TTC7B: variants seen among roughly 807,000 people sequenced by gnomAD.
The protein encoded by TTC7B is tetratricopeptide repeat protein 7B.
A neutral mutation model predicts 106.8 loss-of-function variants in TTC7B; 28 were observed. That is an observed-to-expected ratio of 0.26 (90% CI 0.19 to 0.36). The LOEUF (loss-of-function observed/expected upper bound fraction) is 0.36. TTC7B is among the 10% of genes least tolerant of loss of function. The pLI is 1.00. For missense variants in TTC7B, 862 were observed against 1,076.4 expected, an observed-to-expected ratio of 0.80 and a Z score of 2.79; for synonymous variants, 405 against 430.6, an observed-to-expected ratio of 0.94 and a Z score of 0.74.
intron 12 of TTC7B, 84 bp from the exon 13 acceptor site, chr14:90,652,982 T>C: frequency 2.2e-6 from 3 of 1,392,536 alleles, no homozygotes; most frequent in Non-Finnish European, 3.1e-6. Context: ...ACCTGTACAT[T>C]CAACTGGATT....
At chr14:90,637,136 G>C (rs2139872141) in intron 15 of TTC7B, among the ~76,000 whole-genome samples, 1 of 151,858 alleles carries the variant, frequency 6.6e-6, no homozygotes, top group South Asian at 2.1e-4. Context: ...ACAAGTATCT[G>C]GCAAGACTAT....
intron 19 of TTC7B, among the ~76,000 whole-genome samples, chr14:90,562,371 T>C (rs1318962510): frequency 1.3e-5 from 2 of 152,198 alleles, no homozygotes; most frequent in East Asian, 3.8e-4. Flanking sequence ...ACTCCCACCT[T>C]GGACTGTCAA....
intron 1 of TTC7B, among the ~76,000 whole-genome samples, chr14:90,797,590 G>A (rs1323354551): frequency 6.6e-6 from 1 of 152,006 alleles, no homozygotes; most frequent in Non-Finnish European, 1.5e-5. Flanking sequence ...CAGGAAAACA[G>A]ACACTGCTGT....
At chr14:90,794,165 A>T (rs1317397214) in intron 1 of TTC7B, among the ~76,000 whole-genome samples, 1 of 149,534 alleles carries the variant, frequency 6.7e-6, no homozygotes, top group Non-Finnish European at 1.5e-5. Flanking sequence ...GGCCTCCCAA[A>T]GTGCTGGGAT....
intron 15 of TTC7B, among the ~76,000 whole-genome samples, chr14:90,638,724 G>A (rs1426709081): frequency 4.6e-5 from 7 of 152,120 alleles, no homozygotes; most frequent in African/African-American, 1.2e-4. Flanking sequence ...GGAACTGGAC[G>A]AGCTGATTTG....
intron 9 of TTC7B, 92 bp downstream of exon 9, chr14:90,676,431 G>A: frequency 6.8e-7 from 1 of 1,460,730 alleles, no homozygotes; most frequent in Non-Finnish European, 9.3e-7. Context: ...CTAATAGAGG[G>A]GGGCCCAGGA....
intron 5 of TTC7B, among the ~76,000 whole-genome samples, chr14:90,713,141 A>G (rs1364642154): frequency 6.6e-6 from 1 of 152,010 alleles, no homozygotes; most frequent in East Asian, 1.9e-4. Flanking sequence ...TTTGAGACGG[A>G]GACTCATTCT....
In TTC7B at chr14:90,533,637, GGCA is replaced by G; in HGVS notation, c.*7728_*7730del. 6.6e-6 allele frequency: 1 copy of G among 152,484 alleles called. No homozygotes were observed. The highest frequency in any genetic ancestry group is 1.9e-4 in the East Asian group (1 of 5,188). 9.4% of individuals were successfully genotyped at this position (152,484 alleles called of 1,614,324 possible). A position where few individuals can be genotyped will look rare whatever the true frequency, so the allele number is the denominator to read the frequency against. On this transcript the variant is annotated 3_prime_UTR_variant, in exon 20 of 20. Transcript: ENST00000328459. ...TTCCCCATCAGAGGTGACACGGCCA[GGCA>G]GAACTGGGATTCCAGCCAGATCTGT...
intron 3 of TTC7B, among the ~76,000 whole-genome samples, chr14:90,769,483 C>T (rs908877174): frequency 6.6e-6 from 1 of 152,266 alleles, no homozygotes; most frequent in Non-Finnish European, 1.5e-5. Flanking sequence ...AAAGATATTC[C>T]GACTGGACAA....
intron 16 of TTC7B, among the ~76,000 whole-genome samples, chr14:90,614,908 G>A (rs187416754): frequency 5.3e-5 from 8 of 152,328 alleles, no homozygotes; most frequent in Non-Finnish European, 1.0e-4. Flanking sequence ...ACTGTCTTGA[G>A]TGGCTGGGTC....
intron 17 of TTC7B, among the ~76,000 whole-genome samples, chr14:90,604,152 G>A (rs906386787): frequency 6.6e-6 from 1 of 152,176 alleles, no homozygotes; most frequent in Non-Finnish European, 1.5e-5. Flanking sequence ...TGGGTCTGTT[G>A]TGCAGAAAAG....
intron 19 of TTC7B, among the ~76,000 whole-genome samples, chr14:90,556,403 G>T (rs79031016): frequency 2.0e-5 from 3 of 152,128 alleles, no homozygotes; most frequent in East Asian, 1.9e-4. Flanking sequence ...CTCATAGGAG[G>T]GGGGAAGCTT....
chr14:90,757,566 C>T lies in TTC7B; in HGVS notation c.446-12644G>A, dbSNP rs2140013189. On this transcript the variant is annotated intron_variant, in intron 3 of 19. Coordinates refer to ENST00000328459, the MANE Select transcript of TTC7B (RefSeq NM_001010854.2). The surrounding 1 kb of genome is among the most constrained non-coding windows in gnomAD (Gnocchi z 4.1). ...AGCTCAGAGATGATTTGCCCAAGGT[C>T]ACATGGGCAAATCCTGATCCAATGA... Among the ~76,000 whole-genome samples, 1 of 152,336 alleles carries T rather than the reference C, an allele frequency of 6.6e-6. No individual in the cohort carries two copies. The highest frequency in any genetic ancestry group is 1.5e-5 in the Non-Finnish European group (1 of 68,036).
intron 3 of TTC7B, among the ~76,000 whole-genome samples, chr14:90,756,049 A>C (rs989796989): frequency 6.6e-6 from 1 of 152,264 alleles, no homozygotes; most frequent in African/African-American, 2.4e-5. Flanking sequence ...ATTTTGGCAC[A>C]GAGCCACAAC....
In TTC7B at chr14:90,786,188, G is replaced by T; in HGVS notation, c.262C>A (p.Arg88=). 1 of 1,557,544 alleles carries T rather than the reference G, an allele frequency of 6.4e-7. No homozygotes were observed. Among genetic ancestry groups the T allele is most frequent in the South Asian group, 1.2e-5 (1 of 82,350 alleles). Residue 88 remains arginine (R), a synonymous_variant, in exon 2 of 20, where the codon CGA becomes AGA. Transcript: ENST00000328459. Reference sequence around the variant, plus strand: ...GCCCATGGTACCTTAAGGTTCCCTCGGTCCAGGGCGGCGGTCAGATGCTTG... The same window carrying T: ...GCCCATGGTACCTTAAGGTTCCCTCTGTCCAGGGCGGCGGTCAGATGCTTG... The part of the protein sequence containing the change: ...VRKHLTAALD[R]GNLKSEFLQE...
At chr14:90,777,833 A>G (rs1891082526) in intron 3 of TTC7B, among the ~76,000 whole-genome samples, 1 of 152,222 alleles carries the variant, frequency 6.6e-6, no homozygotes, top group South Asian at 2.1e-4. Context: ...AGTCACTTCT[A>G]GTCCCTCAGG....
chr14:90,575,792 C>T lies in TTC7B; in HGVS notation c.2310+2314G>A, dbSNP rs915556991. 2.6e-5 allele frequency among the ~76,000 whole-genome samples: 4 copies of T among 152,218 alleles called. No individual in the cohort carries two copies. Among genetic ancestry groups the T allele is most frequent in the East Asian group, 3.8e-4 (2 of 5,198 alleles). ...TCTAAACTCCTCAAATCTGTAGTCT[C>T]GCTCTTCTCATCCTGCCTCCAATCT... On this transcript the variant is annotated intron_variant, in intron 19 of 19. Transcript: ENST00000328459. The surrounding 1 kb of genome is among the most constrained non-coding windows in gnomAD (Gnocchi z 5.2).
At chr14:90,651,323 G>A (rs1595246758) in intron 13 of TTC7B, among the ~76,000 whole-genome samples, 1 of 152,108 alleles carries the variant, frequency 6.6e-6, no homozygotes, top group Non-Finnish European at 1.5e-5. Flanking sequence ...TTAGGTTAGC[G>A]GGATTTTATT....
intron 3 of TTC7B, among the ~76,000 whole-genome samples, chr14:90,767,648 T>C (rs953188552): frequency 8.5e-5 from 13 of 152,318 alleles, no homozygotes; most frequent in African/African-American, 2.6e-4. Flanking sequence ...GAGAAATAAA[T>C]TCTTTTCTTT....
Sources: gnomAD v4.1 joint callset for allele counts (sites outside exome capture counted in the v4.1 genomes callset) on GRCh38, gnomAD v4.1.1 for gene constraint, Gnocchi (gnomAD v3.1) non-coding constraint, MANE v1.5 for transcripts, NCBI Gene and HGNC (gene_info 2026-07-23, HGNC 2026-07-21) for gene names.